CDS1: variants seen among roughly 807,000 people sequenced by gnomAD.
CDS1 encodes phosphatidate cytidylyltransferase 1.
In CDS1, 41 loss-of-function variants were observed where a neutral mutation model predicts 62.1. The ratio of observed to expected loss-of-function variants is 0.66; its 90% confidence interval spans 0.51 to 0.86. The LOEUF is 0.86. CDS1 is among the 40% of genes least tolerant of loss of function. The pLI is 0.00. For missense variants in CDS1, 470 were observed against 550.1 expected (o/e 0.85, Z 1.46); for synonymous variants, 185 against 192.6 (o/e 0.96, Z 0.32).
chr4:84,601,172 C>CAAAAAAA lies in CDS1; in HGVS notation c.118-3062_118-3056dup, dbSNP rs59688950. 9.1e-5 allele frequency among the ~76,000 whole-genome samples: 8 copies of CAAAAAAA among 88,284 alleles called. 1 individual carries two copies. The highest frequency in any genetic ancestry group is 7.4e-3 in the Middle Eastern group (1 of 136). 57.9% of individuals were successfully genotyped at this position (88,284 alleles called of 152,430 possible). On this transcript the variant is annotated intron_variant, in intron 1 of 12. Coordinates refer to ENST00000295887, the MANE Select transcript of CDS1 (RefSeq NM_001263.4). ...TAGGTGACAGAGTAAGACCCTGTCT[C>CAAAAAAA]AAAAAAAAAAAAAAAGAGCAAAAGA...
In CDS1 at chr4:84,635,268, C is replaced by A; in HGVS notation, c.727C>A (p.Leu243Ile). ...QNLFEGMIWFLVPISSVICND... is the reference protein window; with the variant it reads ...QNLFEGMIWFIVPISSVICND... ...TTTTTTTTTTTTTAAAAACAGGTTC[C>A]TTGTTCCAATATCAAGTGTTATCTG... The change falls in exon 8 of 13, where the codon CTT (leucine) becomes ATT (isoleucine). Residue 243 changes from leucine to isoleucine, a missense_variant. This residue lies in a region of CDS1 where 214 missense variants were observed against 242.4 expected (regional missense o/e 0.88). Transcript: ENST00000295887. 1 of 1,502,744 alleles carries A rather than the reference C, an allele frequency of 6.7e-7. No homozygotes were observed. The highest frequency in any genetic ancestry group is 9.0e-7 in the Non-Finnish European group (1 of 1,112,360). The allele number at this position is 1,502,744 out of a possible 1,614,324, so 93.1% of individuals were successfully genotyped here.
In CDS1 at chr4:84,617,615, A is replaced by G; in HGVS notation, c.394A>G (p.Arg132Gly). The change falls in exon 4 of 13, where the codon AGA becomes GGA. Residue 132 changes from arginine to glycine, a missense_variant. Physicochemically the swap from Arg to Gly is moderately radical, Grantham distance 125 (BLOSUM62 -2). This residue lies in a region of CDS1 where 34 missense variants were observed against 64.8 expected (regional missense o/e 0.52). Coordinates refer to ENST00000295887, the MANE Select transcript of CDS1 (RefSeq NM_001263.4). Reference sequence around the variant, plus strand: ...CCATGAAATTATCACTATAGGTTATAGAGTCTATCATTCTTATGATCTACC... The same window carrying G: ...CCATGAAATTATCACTATAGGTTATGGAGTCTATCATTCTTATGATCTACC... ...CFHEIITIGYRVYHSYDLPWF... is the reference protein window; with the variant it reads ...CFHEIITIGYGVYHSYDLPWF... The G allele has an allele frequency of 1.3e-6, 2 of 1,596,448 alleles. No homozygotes were observed. The highest frequency in any genetic ancestry group is 1.3e-5 in the African/African-American group (1 of 74,666).
chr4:84,648,788 T>C lies in CDS1; in HGVS notation c.*102T>C. The C allele has an allele frequency of 8.6e-7, 1 of 1,157,678 alleles. No homozygotes were observed. The highest frequency in any genetic ancestry group is 1.2e-6 in the Non-Finnish European group (1 of 832,406). The allele number at this position is 1,157,678 out of a possible 1,614,324, so 71.7% of individuals were successfully genotyped here. A position where few individuals can be genotyped will look rare whatever the true frequency, so the allele number is the denominator to read the frequency against. On this transcript the variant is annotated 3_prime_UTR_variant, in exon 13 of 13. Transcript: ENST00000295887. Reference sequence around the variant, plus strand: ...GAAAAATAGTTAAAAATGCAATAGGTTGAAGTTTTGGAGATATGTTTCTCT... The same window carrying C: ...GAAAAATAGTTAAAAATGCAATAGGCTGAAGTTTTGGAGATATGTTTCTCT...
Position 84,583,268 on chromosome 4 carries a change from C to CTT in CDS1, c.-134_-133insTT. 3.2e-6 allele frequency: 2 copies of CTT among 621,376 alleles called. No individual in the cohort carries two copies. The highest frequency in any genetic ancestry group is 5.6e-6 in the Non-Finnish European group (2 of 360,258). 38.5% of individuals were successfully genotyped at this position (621,376 alleles called of 1,614,324 possible). On this transcript the variant is annotated 5_prime_UTR_variant, in exon 1 of 13. It removes the in-frame stop codon of an upstream open reading frame in the 5' UTR. Transcript: ENST00000295887. Reference sequence around the variant, plus strand: ...CGGCGGCCGCTCTATGGTGGGGCCGCGTTAGTGGCTGCGGCTCCGCGGGAC... The same window carrying CTT: ...CGGCGGCCGCTCTATGGTGGGGCCGCTTGTTAGTGGCTGCGGCTCCGCGGGAC...
At chr4:84,619,991 C>T (rs1439011133) in intron 5 of CDS1, among the ~76,000 whole-genome samples, 1 of 147,420 alleles carries the variant, frequency 6.8e-6, no homozygotes, top group Non-Finnish European at 1.5e-5. Context: ...GAGATCACGC[C>T]ATTGCACTCC....
At chr4:84,626,786 C>T (rs1481649449) in intron 5 of CDS1, among the ~76,000 whole-genome samples, 3 of 152,284 alleles carry the variant, frequency 2.0e-5, no homozygotes, top group East Asian at 1.9e-4. Context: ...GCAGTGCAGG[C>T]CTGGCATTGA....
chr4:84,640,950 C>G lies in CDS1; in HGVS notation c.992C>G (p.Thr331Ser), dbSNP rs754484608. The change falls in exon 10 of 13, where the codon ACT (threonine) becomes AGT (serine). Residue 331 changes from threonine (T) to serine (S), a missense_variant. Coordinates refer to ENST00000295887, the MANE Select transcript of CDS1 (RefSeq NM_001263.4). ...CEPSELFQLQTYSLPPFLKAV... is the reference protein window; with the variant it reads ...CEPSELFQLQSYSLPPFLKAV... ...CCCTCAGAACTTTTCCAGCTTCAGA[C>G]TTACTCACTTCCACCCTTTCTAAAG... 3 of 1,609,570 alleles carry G rather than the reference C, an allele frequency of 1.9e-6. No individual in the cohort carries two copies. In the South Asian group the frequency reaches 3.3e-5, roughly 18 times the overall value.
chr4:84,643,803 G>C (rs1724468908), intron 11 of CDS1, among the ~76,000 whole-genome samples: 1 of 152,188 alleles, frequency 6.6e-6, no homozygotes, highest in African/African-American at 2.4e-5. Context: ...CTGTGTATTA[G>C]GTTAGATCAT....
chr4:84,625,530 C>T (rs1168077882), intron 5 of CDS1, among the ~76,000 whole-genome samples: 1 of 151,950 alleles, frequency 6.6e-6, no homozygotes, highest in Non-Finnish European at 1.5e-5. Flanking sequence ...TGCCAGGTAT[C>T]GTATAGTAGA....
At chr4:84,601,459 C>A (rs934359542) in intron 1 of CDS1, among the ~76,000 whole-genome samples, 1 of 152,068 alleles carries the variant, frequency 6.6e-6, no homozygotes, top group Non-Finnish European at 1.5e-5. Flanking sequence ...ATGTTGGAAG[C>A]TGGAGACATA....
At position 84,635,039 on chromosome 4, in the gene CDS1, G is replaced by C. The variant is rs541377868; in HGVS notation, c.723-225G>C. ...CAATAATTTAATATTTTCCTAGCAT[G>C]CTAGTTTATTTTTAGATTTTGCTCT... On this transcript the variant is annotated intron_variant, in intron 7 of 12. Coordinates refer to ENST00000295887, the MANE Select transcript of CDS1 (RefSeq NM_001263.4). Among the ~76,000 whole-genome samples the C allele has an allele frequency of 7.9e-5, 4 of 50,552 alleles. No individual in the cohort carries two copies. The South Asian group carries it at 2.7e-3, about 34-fold the overall frequency. The allele number at this position is 50,552 out of a possible 152,430, so 33.2% of individuals were successfully genotyped here. A position where few individuals can be genotyped will look rare whatever the true frequency, so the allele number is the denominator to read the frequency against.
intron 12 of CDS1, among the ~76,000 whole-genome samples, chr4:84,646,549 C>T (rs1324300813): frequency 6.6e-6 from 1 of 152,090 alleles, no homozygotes; most frequent in Non-Finnish European, 1.5e-5. Flanking sequence ...TCTTCTTTAA[C>T]ACATGGGTTA....
chr4:84,614,433 G>A (rs1159673146), intron 3 of CDS1, among the ~76,000 whole-genome samples: 1 of 152,064 alleles, frequency 6.6e-6, no homozygotes, highest in Non-Finnish European at 1.5e-5. Flanking sequence ...TGTGTTATTT[G>A]TAGACATTCA....
At chr4:84,648,316 AC>A (rs761655092) in intron 12 of CDS1, among the ~76,000 whole-genome samples, 5 of 152,058 alleles carry the variant, frequency 3.3e-5, no homozygotes, top group Non-Finnish European at 2.9e-5. Flanking sequence ...TTAGATCTGC[AC>A]CCCTTCAATT....
chr4:84,622,482 A>T (rs981598510), intron 5 of CDS1, among the ~76,000 whole-genome samples: 2 of 151,974 alleles, frequency 1.3e-5, no homozygotes, highest in African/African-American at 4.8e-5. Flanking sequence ...AATCCCAGCT[A>T]TCTGGGAGGC....
At chr4:84,613,346 C>T (rs191679220) in intron 3 of CDS1, among the ~76,000 whole-genome samples, 58 of 152,180 alleles carry the variant, frequency 3.8e-4, no homozygotes, top group South Asian at 1.2e-3. Flanking sequence ...CAGTGGCTCA[C>T]GCCTGTAATC....
At chr4:84,632,105 A>C (rs990261759) in intron 6 of CDS1, among the ~76,000 whole-genome samples, 3 of 152,180 alleles carry the variant, frequency 2.0e-5, no homozygotes, top group African/African-American at 7.2e-5. Flanking sequence ...TTTTTCTTTG[A>C]ATATTTTCAA....
chr4:84,640,696 A>T, intron 9 of CDS1, 142 bp from the exon 10 acceptor site: 1 of 659,850 alleles, frequency 1.5e-6, no homozygotes, highest in Non-Finnish European at 2.2e-6. Flanking sequence ...TTGAAAATAC[A>T]TAGCAAAATA....
rs1026326090 is a variant in CDS1, at chr4:84,650,058, A to G, written c.*1372A>G. 1 of 152,222 alleles carries G rather than the reference A, an allele frequency of 6.6e-6. No individual in the cohort carries two copies. Among genetic ancestry groups the G allele is most frequent in the Non-Finnish European group, 1.5e-5 (1 of 68,040 alleles). 9.4% of individuals were successfully genotyped at this position (152,222 alleles called of 1,614,324 possible). On this transcript the variant is annotated 3_prime_UTR_variant, in exon 13 of 13. Transcript: ENST00000295887. Reference sequence around the variant, plus strand: ...AAATGTTCAGAGGGGAGAAATAGATATATTTTAAATAATGTTTTGCTAATG... The same window carrying G: ...AAATGTTCAGAGGGGAGAAATAGATGTATTTTAAATAATGTTTTGCTAATG...
Sources: gnomAD v4.1 joint callset for allele counts (sites outside exome capture counted in the v4.1 genomes callset) on GRCh38, gnomAD v4.1.1 for gene constraint, gnomAD v4.1.1 regional missense constraint, MANE v1.5 for transcripts, NCBI Gene and HGNC (gene_info 2026-07-23, HGNC 2026-07-21) for gene names.